XPO4: variants seen among roughly 807,000 people sequenced by gnomAD.
The protein encoded by XPO4 is exportin-4.
XPO4 carries 39 observed loss-of-function variants against 143.0 expected under a neutral mutation model. The ratio of observed to expected loss-of-function variants is 0.27; its 90% CI spans 0.21 to 0.36. XPO4 has a LOEUF of 0.36. Among genes scored for constraint, XPO4 ranks in the 10% least tolerant of loss-of-function variants. The pLI is 1.00. For missense variants in XPO4, 907 were observed against 1,348.0 expected, an observed-to-expected ratio of 0.67 and a Z score of 5.12; for synonymous variants, 439 against 474.0, an observed-to-expected ratio of 0.93 and a Z score of 0.96.
At chr13:20,898,805 C>G (rs568015760) in intron 1 of XPO4, among the ~76,000 whole-genome samples, 4 of 151,566 alleles carry the variant, frequency 2.6e-5, no homozygotes, top group African/African-American at 9.8e-5. Context: ...AATGTTGTCT[C>G]TAAAATCAAA....
intron 1 of XPO4, among the ~76,000 whole-genome samples, chr13:20,889,810 T>C (rs1218560688): frequency 5.3e-5 from 8 of 152,234 alleles, no homozygotes; most frequent in Non-Finnish European, 8.8e-5. Context: ...AAAAATTTGC[T>C]TGATACAGTT....
intron 9 of XPO4, among the ~76,000 whole-genome samples, chr13:20,816,409 A>T (rs1318667931): frequency 1.3e-5 from 2 of 152,254 alleles, no homozygotes; most frequent in Non-Finnish European, 2.9e-5. Context: ...TTTGAATGTC[A>T]AATGAAAAAT....
intron 4 of XPO4, chr13:20,849,534 A>C (rs1047266764): frequency 1.0e-6 from 1 of 985,282 alleles, no homozygotes; most frequent in African/African-American, 1.7e-5. Context: ...ATCCCTCCCA[A>C]ATTAGTACTG....
At chr13:20,804,256 C>T (rs1482132947) in intron 13 of XPO4, among the ~76,000 whole-genome samples, 2 of 150,930 alleles carry the variant, frequency 1.3e-5, no homozygotes, top group African/African-American at 2.4e-5. Flanking sequence ...TATACACACA[C>T]ACACATACAC....
rs2141451476 is a variant in XPO4, at chr13:20,777,907, A to G, written c.*5815T>C. 6.6e-6 allele frequency: 1 copy of G among 152,336 alleles called. No homozygotes were observed. Among genetic ancestry groups the G allele is most frequent in the East Asian group, 1.9e-4 (1 of 5,186 alleles). 9.4% of individuals were successfully genotyped at this position (152,336 alleles called of 1,614,324 possible). A position where few individuals can be genotyped will look rare whatever the true frequency, so the allele number is the denominator to read the frequency against. ...GCTGTATGGAATTTCCCAGCAAAAGATTCTTTCATTAGTTTCACCAAATAT... is the reference window on the plus strand; with the variant it reads ...GCTGTATGGAATTTCCCAGCAAAAGGTTCTTTCATTAGTTTCACCAAATAT... On this transcript the variant is annotated 3_prime_UTR_variant, in exon 23 of 23. Transcript: ENST00000255305.
At chr13:20,873,621 C>T (rs1168250724) in intron 1 of XPO4, among the ~76,000 whole-genome samples, 1 of 152,068 alleles carries the variant, frequency 6.6e-6, no homozygotes, top group East Asian at 1.9e-4. Context: ...TTGTCAAATC[C>T]TACAAATCCC....
At chr13:20,901,201 T>C (rs1051927122) in intron 1 of XPO4, among the ~76,000 whole-genome samples, 1 of 152,188 alleles carries the variant, frequency 6.6e-6, no homozygotes, top group African/African-American at 2.4e-5. Flanking sequence ...TAGCACTCAA[T>C]AAACGGTACT....
intron 1 of XPO4, among the ~76,000 whole-genome samples, chr13:20,884,361 G>A (rs1479755675): frequency 6.6e-6 from 1 of 151,976 alleles, no homozygotes; most frequent in African/African-American, 2.4e-5. Context: ...TGGGCAAGAG[G>A]GTGAGACCCT....
chr13:20,811,390 C>T (rs959568545), intron 9 of XPO4, among the ~76,000 whole-genome samples: 2 of 150,408 alleles, frequency 1.3e-5, no homozygotes, highest in Admixed American at 1.3e-4. Flanking sequence ...TGGGTTCAAG[C>T]GATTCTCCTG....
rs1174999368 is a variant in XPO4, at chr13:20,781,966, T to TA, written c.*1755dup. 11 of 152,358 alleles carry TA rather than the reference T, an allele frequency of 7.2e-5. No individual in the cohort carries two copies. The highest frequency in any genetic ancestry group is 2.6e-4 in the African/African-American group (11 of 41,592). The allele number at this position is 152,358 out of a possible 1,614,324, so 9.4% of individuals were successfully genotyped here. On this transcript the variant is annotated 3_prime_UTR_variant, in exon 23 of 23. Coordinates refer to ENST00000255305, the MANE Select transcript of XPO4 (RefSeq NM_022459.5). Reference sequence around the variant, plus strand: ...GAAACGTGTACTTCTGGATGACTGATATTAATTTCCTTCCTAGCAGTCTTT... The same window carrying TA: ...GAAACGTGTACTTCTGGATGACTGATAATTAATTTCCTTCCTAGCAGTCTTT...
intron 22 of XPO4, among the ~76,000 whole-genome samples, chr13:20,785,501 C>T (rs1016644018): frequency 3.3e-4 from 50 of 152,016 alleles, no homozygotes; most frequent in East Asian, 1.4e-3. Flanking sequence ...GGTGAAACTC[C>T]GTCTCTACAA....
At chr13:20,875,527 C>T (rs2060342471) in intron 1 of XPO4, among the ~76,000 whole-genome samples, 1 of 152,142 alleles carries the variant, frequency 6.6e-6, no homozygotes, top group Admixed American at 6.6e-5. Context: ...TCACCTTCTC[C>T]AATTTCTTGC....
intron 9 of XPO4, among the ~76,000 whole-genome samples, chr13:20,814,905 GA>G (rs1417288076): frequency 2.0e-5 from 3 of 152,200 alleles, no homozygotes; most frequent in Non-Finnish European, 4.4e-5. Flanking sequence ...TTTAGTCATA[GA>G]AAAAAATCTT....
chr13:20,779,380 T>C lies in XPO4; in HGVS notation c.*4342A>G, dbSNP rs1293138181. The C allele has an allele frequency of 6.6e-6, 1 of 152,594 alleles. No individual in the cohort carries two copies. The highest frequency in any genetic ancestry group is 1.5e-5 in the Non-Finnish European group (1 of 68,024). The allele number at this position is 152,594 out of a possible 1,614,324, so 9.5% of individuals were successfully genotyped here. On this transcript the variant is annotated 3_prime_UTR_variant, in exon 23 of 23. Transcript: ENST00000255305. Reference sequence around the variant, plus strand: ...ATCCCTAGTAGGTACATAGTGCAGATGCAGTATATAATTTCAGGCTAGGAA... The same window carrying C: ...ATCCCTAGTAGGTACATAGTGCAGACGCAGTATATAATTTCAGGCTAGGAA...
At chr13:20,842,222 A>T (rs1263822031) in intron 6 of XPO4, among the ~76,000 whole-genome samples, 4 of 152,184 alleles carry the variant, frequency 2.6e-5, no homozygotes, top group African/African-American at 9.7e-5. Flanking sequence ...ATGGGTAGTC[A>T]CTGTATATTA....
chr13:20,848,604 C>T, intron 4 of XPO4: 1 of 985,142 alleles, frequency 1.0e-6, no homozygotes, highest in Non-Finnish European at 1.2e-6. Flanking sequence ...CTACATTCTG[C>T]AAAATTAAAA....
chr13:20,873,319 T>G (rs895717225), intron 1 of XPO4, among the ~76,000 whole-genome samples: 1 of 152,112 alleles, frequency 6.6e-6, no homozygotes, highest in Admixed American at 6.6e-5. Context: ...TACTAATGAA[T>G]AGATTAACTG....
intron 3 of XPO4, chr13:20,856,385 C>T: frequency 1.0e-6 from 1 of 985,014 alleles, no homozygotes; most frequent in Non-Finnish European, 1.2e-6. Flanking sequence ...ACAGAAGCAC[C>T]CATCCCAAGT....
At chr13:20,889,391 A>G (rs988253690) in intron 1 of XPO4, among the ~76,000 whole-genome samples, 8 of 152,148 alleles carry the variant, frequency 5.3e-5, no homozygotes, top group Admixed American at 2.0e-4. Context: ...TGATGATGTT[A>G]TATCAGTGGT....
Sources: gnomAD v4.1 joint callset for allele counts (sites outside exome capture counted in the v4.1 genomes callset) on GRCh38, gnomAD v4.1.1 for gene constraint, MANE v1.5 for transcripts, NCBI Gene and HGNC (gene_info 2026-07-23, HGNC 2026-07-21) for gene names.